TNFRSF25: variants seen among roughly 807,000 people sequenced by gnomAD.
TNFRSF25 encodes the protein tumor necrosis factor receptor superfamily member 25.
A neutral mutation model predicts 49.4 loss-of-function variants in TNFRSF25; 28 were observed. The observed-to-expected ratio is 0.57, with a 90% CI of 0.42 to 0.78. The LOEUF is 0.78. Ranked by LOEUF, TNFRSF25 falls within the 30% of genes least tolerant of loss-of-function variation. The pLI is 0.00. For missense variants in TNFRSF25, 531 were observed against 581.6 expected (o/e 0.91, Z 0.90); for synonymous variants, 240 against 234.2 (o/e 1.02, Z -0.23).
Position 6,464,707 on chromosome 1 carries a change from GC to G in TNFRSF25, c.307del (p.Ala103ArgfsTer40). The G allele has an allele frequency of 7.4e-6, 12 of 1,612,884 alleles. No individual in the cohort carries two copies. Among genetic ancestry groups the G allele is most frequent in the Non-Finnish European group, 1.0e-5 (12 of 1,179,218 alleles). ...GGCCACTGCTGAACAGTTCTCCAGC[GC>G]CACCTGGGAGGCTGGTGGGGGTGCA... ...QACDEQASQV[A>X]LENCSAVADT... On this transcript the variant is annotated frameshift_variant, in exon 4 of 10. Coordinates refer to ENST00000356876, the MANE Select transcript of TNFRSF25 (RefSeq NM_003790.3). LOFTEE classifies it high-confidence loss of function.
Position 6,462,594 on chromosome 1 carries a change from G to T in TNFRSF25, c.744+35C>A. 6.2e-7 allele frequency: 1 copy of T among 1,603,688 alleles called. No individual in the cohort carries two copies. The highest frequency in any genetic ancestry group is 8.5e-7 in the Non-Finnish European group (1 of 1,175,830). On this transcript the variant is annotated intron_variant, in intron 8 of 9. Transcript: ENST00000356876. This position sits in a 1 kb window ranked among gnomAD's most constrained non-coding sequence, Gnocchi z 4.2. The stretch of plus-strand genomic sequence containing the variant: ...AGTAAGGCTTGATCTTCCAGCTCCA[G>T]AAGGCAGCCCAGAATCACACAGTGA...
Position 6,461,592 on chromosome 1 carries a change from C to T in TNFRSF25, c.1096G>A (p.Val366Met), listed in dbSNP as rs150565450. The T allele has an allele frequency of 6.8e-6, 11 of 1,610,454 alleles. No homozygotes were observed. Among genetic ancestry groups the T allele is most frequent in the African/African-American group, 1.3e-5 (1 of 74,916 alleles). ...LREAEIEAVE[V>M]EIGRFRDQQY... Reference sequence around the variant, plus strand: ...TGGTCTCGGAAGCGGCCGATCTCCACCTCCACGGCTTCGATCTCTGCCTCG... The same window carrying T: ...TGGTCTCGGAAGCGGCCGATCTCCATCTCCACGGCTTCGATCTCTGCCTCG... Residue 366 changes from valine (V) to methionine (M), a missense_variant, in exon 10 of 10, where the codon GTG becomes ATG. Val to Met is a conservative substitution (Grantham distance 21). Transcript: ENST00000356876. This position sits in a 1 kb window ranked among gnomAD's most constrained non-coding sequence, Gnocchi z 6.3.
chr1:6,462,012 A>T lies in TNFRSF25; in HGVS notation c.907T>A (p.Leu303Met). Residue 303 changes from leucine (L) to methionine (M), a missense_variant, in exon 9 of 10, where the codon TTG (leucine) becomes ATG (methionine). Leu to Met is a conservative substitution (Grantham distance 15). Coordinates refer to ENST00000356876, the MANE Select transcript of TNFRSF25 (RefSeq NM_003790.3). This position sits in a 1 kb window ranked among gnomAD's most constrained non-coding sequence, Gnocchi z 4.2. ...CCCTTACCAAGAGCTCTGCTGGGCA[A>T]CTGGTCCCAGGACCATGTCACCTGC... ...CPQVTWSWDQ[L>M]PSRALGPAAA... The T allele has an allele frequency of 1.9e-6, 3 of 1,610,584 alleles. No individual in the cohort carries two copies. Among genetic ancestry groups the T allele is most frequent in the Non-Finnish European group, 1.7e-6 (2 of 1,178,904 alleles).
Position 6,462,499 on chromosome 1 carries a change from ACTCT to A in TNFRSF25, c.744+126_744+129del, listed in dbSNP as rs2148557282. 3 of 1,521,344 alleles carry A rather than the reference ACTCT, an allele frequency of 2.0e-6. No individual in the cohort carries two copies. In the Admixed American group the frequency reaches 6.6e-5, roughly 33 times the overall value. The allele number at this position is 1,521,344 out of a possible 1,614,324, so 94.2% of individuals were successfully genotyped here. A position where few individuals can be genotyped will look rare whatever the true frequency, so the allele number is the denominator to read the frequency against. ...ACTGTGCTGGTCTCATCCACTGATGACTCTGCTCCCAACACCTCTGTCCACTAGG... is the reference window on the plus strand; with the variant it reads ...ACTGTGCTGGTCTCATCCACTGATGAGCTCCCAACACCTCTGTCCACTAGG... On this transcript the variant is annotated intron_variant, in intron 8 of 9. Coordinates refer to ENST00000356876, the MANE Select transcript of TNFRSF25 (RefSeq NM_003790.3). This position sits in a 1 kb window ranked among gnomAD's most constrained non-coding sequence, Gnocchi z 4.2.
chr1:6,464,099 T>C lies in TNFRSF25; in HGVS notation c.542+276A>G. On this transcript the variant is annotated intron_variant, in intron 5 of 9. Transcript: ENST00000356876. ...AGCTATATCAATGTGACTCTCTGTG[T>C]AAGTGACAAATCATCTGTAATATCT... 5.3e-6 allele frequency: 7 copies of C among 1,322,168 alleles called. No homozygotes were observed. In the South Asian group the frequency reaches 1.1e-4, roughly 21 times the overall value. 81.9% of individuals were successfully genotyped at this position (1,322,168 alleles called of 1,614,324 possible). A position where few individuals can be genotyped will look rare whatever the true frequency, so the allele number is the denominator to read the frequency against.
rs1022807856 is a variant in TNFRSF25 at position 6,462,371 on chromosome 1, T to C, written c.745-197A>G. 3 of 1,156,918 alleles carry C rather than the reference T, an allele frequency of 2.6e-6. No homozygotes were observed. The highest frequency in any genetic ancestry group is 3.1e-5 in the African/African-American group (2 of 64,124). The allele number at this position is 1,156,918 out of a possible 1,614,324, so 71.7% of individuals were successfully genotyped here. ...CCTTGAGTCCCCTGCCCCCGCCTCC[T>C]TCCTCTTGTCCCCCAGCACCATGGG... On this transcript the variant is annotated intron_variant, in intron 8 of 9. Transcript: ENST00000356876. This position sits in a 1 kb window ranked among gnomAD's most constrained non-coding sequence, Gnocchi z 4.2.
At position 6,460,941 on chromosome 1, in the gene TNFRSF25, C is replaced by G; in HGVS notation, c.*493G>C. 1 of 366,086 alleles carries G rather than the reference C, an allele frequency of 2.7e-6. No homozygotes were observed. Among genetic ancestry groups the G allele is most frequent in the South Asian group, 2.1e-5 (1 of 46,594 alleles). 22.7% of individuals were successfully genotyped at this position (366,086 alleles called of 1,614,324 possible). ...GCGCTCTCATCTGGGCTCCGGTTCA[C>G]TCACTCGCTGTGGCCGCGACTTGCT... On this transcript the variant is annotated 3_prime_UTR_variant, in exon 10 of 10. Transcript: ENST00000356876.
intron 5 of TNFRSF25, chr1:6,463,716 T>G (rs1569791391): frequency 9.5e-6 from 1 of 104,822 alleles, no homozygotes; most frequent in South Asian, 3.4e-4. Context: ...ACAGAGCAAG[T>G]CTCCATCTCA....
intron 1 of TNFRSF25, 178 bp downstream of exon 1, chr1:6,465,891 G>A: frequency 7.0e-7 from 1 of 1,423,960 alleles, no homozygotes; most frequent in Non-Finnish European, 9.1e-7. Flanking sequence ...CCTCCTGGGA[G>A]GGGTTTCCTC....
rs143132528 is a variant in TNFRSF25 at position 6,465,206 on chromosome 1, G to T, written c.177C>A (p.Ala59=). The T allele has an allele frequency of 3.7e-6, 6 of 1,611,618 alleles. No homozygotes were observed. In the African/African-American group the frequency reaches 8.0e-5, roughly 21 times the overall value. Residue 59 remains alanine (A), a synonymous_variant, in exon 3 of 10, where the codon GCC becomes GCA. Transcript: ENST00000356876. ...RGCPAGHYLK[A]PCTEPCGNST... is the part of the protein sequence containing the mutation. ...AGTTGCCGCAGGGCTCCGTGCAAGG[G>T]GCCTTCAGGTAGTGCCCTGTGGAAC...
Position 6,462,038 on chromosome 1 carries a change from G to A in TNFRSF25, c.881C>T (p.Pro294Leu). ...CTGGTCCCAGGACCATGTCACCTGC[G>A]GGCAGAGCGCCTCCTGGGTCTCGGG... Reference protein sequence around the residue: ...GYPETQEALCPQVTWSWDQLP... With the variant: ...GYPETQEALCLQVTWSWDQLP... The change falls in exon 9 of 10, where the codon CCG becomes CTG. Residue 294 changes from proline (P) to leucine (L), a missense_variant. Pro to Leu is a moderately conservative substitution (Grantham distance 98). Transcript: ENST00000356876. The surrounding 1 kb of genome is among the most constrained non-coding windows in gnomAD (Gnocchi z 4.2). The A allele has an allele frequency of 1.9e-6, 3 of 1,613,284 alleles. No homozygotes were observed. Among genetic ancestry groups the A allele is most frequent in the East Asian group, 2.2e-5 (1 of 44,876 alleles).
intron 2 of TNFRSF25, 81 bp from the exon 3 acceptor site, chr1:6,465,303 C>T: frequency 1.9e-6 from 3 of 1,568,986 alleles, no homozygotes; most frequent in Non-Finnish European, 2.6e-6. Flanking sequence ...CCCTCCCTCC[C>T]TCTTTCTCTC....
rs773058348 is a variant in TNFRSF25, at chr1:6,461,520, G to C, written c.1168C>G (p.Leu390Val). Residue 390 changes from leucine to valine, a missense_variant, in exon 10 of 10, where the codon CTC becomes GTC. Coordinates refer to ENST00000356876, the MANE Select transcript of TNFRSF25 (RefSeq NM_003790.3). The surrounding 1 kb of genome is among the most constrained non-coding windows in gnomAD (Gnocchi z 6.3). ...KRWRQQQPAG[L>V]GAVYAALERM... is the part of the protein sequence containing the mutation. ...TCCAGGGCCGCGTAAACGGCTCCGA[G>C]GCCCGCGGGCTGCTGCTGGCGCCAG... is the stretch of plus-strand genomic sequence containing the variant. The C allele has an allele frequency of 6.2e-7, 1 of 1,603,362 alleles. No individual in the cohort carries two copies. The highest frequency in any genetic ancestry group is 8.5e-7 in the Non-Finnish European group (1 of 1,177,254).
rs35771371 is a variant in TNFRSF25, at chr1:6,465,532, C to G, written c.68G>C (p.Arg23Pro). Residue 23 changes from arginine to proline, a missense_variant, in exon 2 of 10, where the codon CGG (arginine) becomes CCG (proline). Coordinates refer to ENST00000356876, the MANE Select transcript of TNFRSF25 (RefSeq NM_003790.3). Reference sequence around the variant, plus strand: ...GGGGCTACGAGTGCCGCCCTGGGCCCGGGCCCCCAGCAGCACCAGGAGGAG... The same window carrying G: ...GGGGCTACGAGTGCCGCCCTGGGCCGGGGCCCCCAGCAGCACCAGGAGGAG... ...AALLLVLLGA[R>P]AQGGTRSPRC... 3 of 1,613,456 alleles carry G rather than the reference C, an allele frequency of 1.9e-6. No individual in the cohort carries two copies. The highest frequency in any genetic ancestry group is 1.1e-5 in the South Asian group (1 of 91,062).
rs45559234 is a variant in TNFRSF25 at position 6,461,127 on chromosome 1, C to A, written c.*307G>T. 2 of 604,128 alleles carry A rather than the reference C, an allele frequency of 3.3e-6. No homozygotes were observed. The highest frequency in any genetic ancestry group is 2.2e-5 in the Admixed American group (1 of 46,304). 37.4% of individuals were successfully genotyped at this position (604,128 alleles called of 1,614,324 possible). Reference sequence around the variant, plus strand: ...AAGTCCAGTCCACTTAACACCCCAGCCCCGCAGAAACGCCAAGAAGCCGTT... The same window carrying A: ...AAGTCCAGTCCACTTAACACCCCAGACCCGCAGAAACGCCAAGAAGCCGTT... On this transcript the variant is annotated 3_prime_UTR_variant, in exon 10 of 10. Coordinates refer to ENST00000356876, the MANE Select transcript of TNFRSF25 (RefSeq NM_003790.3). This position sits in a 1 kb window ranked among gnomAD's most constrained non-coding sequence, Gnocchi z 6.3.
At position 6,461,691 on chromosome 1, in the gene TNFRSF25, G is replaced by A. The variant is rs756381562; in HGVS notation, c.997C>T (p.Pro333Ser). ...GCGTCCATCACGTCGTAGAGCTGCGGGCCCGGCTGCAGCATCATGGCTGGC... is the reference window on the plus strand; with the variant it reads ...GCGTCCATCACGTCGTAGAGCTGCGAGCCCGGCTGCAGCATCATGGCTGGC... ...GSPAMMLQPG[P>S]QLYDVMDAVP... The change falls in exon 10 of 10, where the codon CCG (proline) becomes TCG (serine). Residue 333 changes from proline (P) to serine (S), a missense_variant. Physicochemically the swap from Pro to Ser is moderately conservative, Grantham distance 74. Coordinates refer to ENST00000356876, the MANE Select transcript of TNFRSF25 (RefSeq NM_003790.3). The surrounding 1 kb of genome is among the most constrained non-coding windows in gnomAD (Gnocchi z 6.3). 2 of 1,579,168 alleles carry A rather than the reference G, an allele frequency of 1.3e-6. No individual in the cohort carries two copies. Among genetic ancestry groups the A allele is most frequent in the South Asian group, 1.1e-5 (1 of 88,674 alleles).
Position 6,461,221 on chromosome 1 carries a change from G to C in TNFRSF25, c.*213C>G. On this transcript the variant is annotated 3_prime_UTR_variant, in exon 10 of 10. Transcript: ENST00000356876. The surrounding 1 kb of genome is among the most constrained non-coding windows in gnomAD (Gnocchi z 6.3). ...TCAGCCAAACTCCGGCCGAGAAGTT[G>C]AGAAATGTCTTCACCCCCTCTCGAC... The C allele has an allele frequency of 1.4e-6, 1 of 735,808 alleles. No individual in the cohort carries two copies. The highest frequency in any genetic ancestry group is 2.7e-5 in the East Asian group (1 of 37,168). The allele number at this position is 735,808 out of a possible 1,614,324, so 45.6% of individuals were successfully genotyped here.
chr1:6,463,763 A>T (rs1331298923), intron 5 of TNFRSF25: 1 of 148,222 alleles, frequency 6.7e-6, no homozygotes, highest in African/African-American at 2.5e-5. Context: ...AGACTTGAAT[A>T]GCTACAGAAA....
In TNFRSF25 at chr1:6,462,673, G is replaced by A; in HGVS notation, c.707-7C>T. On this transcript the variant is annotated splice_polypyrimidine_tract_variant and splice_region_variant and intron_variant, in intron 7 of 9. Transcript: ENST00000356876. The surrounding 1 kb of genome is among the most constrained non-coding windows in gnomAD (Gnocchi z 4.2). ...TCCATCCCAGCTTCATCTGCTGACA[G>A]ACACAGAGAGATTGCGGTCAGCCAC... The A allele has an allele frequency of 6.2e-7, 1 of 1,613,592 alleles. No individual in the cohort carries two copies. Among genetic ancestry groups the A allele is most frequent in the Non-Finnish European group, 8.5e-7 (1 of 1,179,684 alleles).
Sources: gnomAD v4.1 joint callset for allele counts on GRCh38, gnomAD v4.1.1 for gene constraint, Gnocchi (gnomAD v3.1) non-coding constraint, MANE v1.5 for transcripts, NCBI Gene and HGNC (gene_info 2026-07-23, HGNC 2026-07-21) for gene names.